MYO3A: variants seen among roughly 807,000 people sequenced by gnomAD.
MYO3A encodes the protein myosin IIIA, also known as myosin-IIIa.
In MYO3A, 180 loss-of-function variants were observed where a neutral mutation model predicts 192.7. The observed-to-expected ratio is 0.93, with a 90% CI of 0.83 to 1.06. The LOEUF is 1.06. Among genes scored for constraint, MYO3A ranks in the 50% least tolerant of loss-of-function variants. MYO3A has a pLI of 0.00. For synonymous variants in MYO3A, 628 were observed against 645.3 expected, an observed-to-expected ratio of 0.97 and a Z score of 0.41; for missense variants, 1,896 against 1,905.0, an observed-to-expected ratio of 1.00 and a Z score of 0.09.
At chr10:26,138,103 A>G (rs1044687964) in intron 20 of MYO3A, among the ~76,000 whole-genome samples, 1 of 152,050 alleles carries the variant, frequency 6.6e-6, no homozygotes, top group Non-Finnish European at 1.5e-5. Context: ...GAAGCATGTG[A>G]TCTTTGTGAC....
At chr10:26,022,835 G>T (rs1162996064) in intron 8 of MYO3A, 1 of 152,176 alleles carries the variant, frequency 6.6e-6, no homozygotes, top group Non-Finnish European at 1.5e-5. Context: ...GATAGATATT[G>T]TACCTAGGTA....
chr10:26,136,610 T>C (rs1399285760), intron 20 of MYO3A, among the ~76,000 whole-genome samples: 1 of 151,790 alleles, frequency 6.6e-6, no homozygotes, highest in Admixed American at 6.6e-5. Flanking sequence ...TCAGAGGGAG[T>C]GGGGAGAAGA....
intron 6 of MYO3A, among the ~76,000 whole-genome samples, chr10:26,013,462 G>A (rs1454059613): frequency 6.6e-6 from 1 of 151,908 alleles, no homozygotes; most frequent in Non-Finnish European, 1.5e-5. Context: ...CAAAGGACAT[G>A]AATAGACATT....
intron 34 of MYO3A, among the ~76,000 whole-genome samples, chr10:26,210,272 C>T (rs1844165560): frequency 1.3e-5 from 2 of 152,192 alleles, no homozygotes; most frequent in African/African-American, 4.8e-5. Context: ...TAATAAATAT[C>T]TCAAACTTAG....
Position 26,128,533 on chromosome 10 carries a change from G to T in MYO3A, c.2257G>T (p.Glu753Ter). Residue 753 changes from glutamate to a stop codon, truncating the protein, a stop_gained, in exon 20 of 35, where the codon GAA becomes TAA. Transcript: ENST00000642920. LOFTEE classifies it high-confidence loss of function. ...YYYNQHVFAW[E>*]QNEYLNEDVD... ...TTATAATCAACATGTGTTTGCATGG[G>T]AACAGGTAAGTCTAAGTACTTACTA... 3.7e-6 allele frequency: 6 copies of T among 1,609,222 alleles called. No individual in the cohort carries two copies. The highest frequency in any genetic ancestry group is 5.1e-6 in the Non-Finnish European group (6 of 1,176,966).
intron 14 of MYO3A, among the ~76,000 whole-genome samples, chr10:26,077,635 G>A (rs1274598974): frequency 6.6e-6 from 1 of 152,128 alleles, no homozygotes; most frequent in African/African-American, 2.4e-5. Context: ...CTGTGGGTTT[G>A]TCATAGATGG....
At chr10:26,122,332 C>T (rs1838922766) in intron 18 of MYO3A, among the ~76,000 whole-genome samples, 1 of 152,070 alleles carries the variant, frequency 6.6e-6, no homozygotes, top group East Asian at 1.9e-4. Context: ...TCTGGAATAA[C>T]CACTCATGGA....
chr10:26,050,298 A>G (rs1363547973), intron 10 of MYO3A, among the ~76,000 whole-genome samples: 1 of 152,194 alleles, frequency 6.6e-6, no homozygotes, highest in East Asian at 1.9e-4. Context: ...AATCAATGTA[A>G]TAAAAACAAT....
chr10:26,077,012 T>C (rs1451843069), intron 14 of MYO3A, among the ~76,000 whole-genome samples: 1 of 152,020 alleles, frequency 6.6e-6, no homozygotes, highest in Non-Finnish European at 1.5e-5. Flanking sequence ...TTTAGAATTG[T>C]TTTTTCCTAA....
chr10:26,001,529 T>C (rs11014895), intron 6 of MYO3A, among the ~76,000 whole-genome samples: 127 of 152,332 alleles, frequency 8.3e-4, no homozygotes, highest in Non-Finnish European at 1.5e-3. Context: ...AAGTGCTCTC[T>C]GCATGAGAGG....
At chr10:25,975,176 A>G (rs1010550865) in intron 4 of MYO3A, among the ~76,000 whole-genome samples, 1 of 152,202 alleles carries the variant, frequency 6.6e-6, no homozygotes, top group Non-Finnish European at 1.5e-5. Context: ...ATGGAGATGT[A>G]GCATTTAAAT....
chr10:26,150,729 A>T (rs1453494197), intron 23 of MYO3A, among the ~76,000 whole-genome samples: 1 of 152,000 alleles, frequency 6.6e-6, no homozygotes, highest in Non-Finnish European at 1.5e-5. Flanking sequence ...GATTTCCTAG[A>T]CATGTGTTAA....
chr10:26,033,738 C>T (rs1469138377), intron 10 of MYO3A, among the ~76,000 whole-genome samples: 1 of 152,152 alleles, frequency 6.6e-6, no homozygotes, highest in Non-Finnish European at 1.5e-5. Context: ...GTTTCAATCC[C>T]ATTTCCACTA....
intron 2 of MYO3A, among the ~76,000 whole-genome samples, chr10:25,944,389 T>G (rs1411730719): frequency 6.6e-6 from 1 of 152,082 alleles, no homozygotes; most frequent in Non-Finnish European, 1.5e-5. Context: ...CTGGTTTTGG[T>G]GTCAGGATAA....
chr10:26,132,551 C>T (rs1430376423), intron 20 of MYO3A, among the ~76,000 whole-genome samples: 2 of 152,198 alleles, frequency 1.3e-5, no homozygotes, highest in African/African-American at 2.4e-5. Context: ...GATGCTACAG[C>T]GTATTGATCT....
At chr10:26,103,068 T>C (rs1312588271) in intron 17 of MYO3A, among the ~76,000 whole-genome samples, 1 of 152,246 alleles carries the variant, frequency 6.6e-6, no homozygotes, top group African/African-American at 2.4e-5. Context: ...GCTTCCCAGC[T>C]GCTTTGTTTA....
intron 18 of MYO3A, among the ~76,000 whole-genome samples, chr10:26,121,570 T>A (rs1405565199): frequency 6.6e-6 from 1 of 152,050 alleles, no homozygotes; most frequent in Non-Finnish European, 1.5e-5. Flanking sequence ...GCCAACATGG[T>A]GAAACCCTGT....
At chr10:26,205,349 G>C (rs1451444410) in intron 34 of MYO3A, among the ~76,000 whole-genome samples, 1 of 151,710 alleles carries the variant, frequency 6.6e-6, no homozygotes, top group Non-Finnish European at 1.5e-5. Context: ...TAAATCTCTT[G>C]AATTTATTCC....
rs1221070088 is a variant in MYO3A, at chr10:26,024,026, C to A, written c.736C>A (p.Pro246Thr). 6.2e-6 allele frequency: 10 copies of A among 1,612,476 alleles called. No individual in the cohort carries two copies. Among genetic ancestry groups the A allele is most frequent in the Non-Finnish European group, 6.8e-6 (8 of 1,178,700 alleles). ...CATTGATTCTTATTTTTCTAGGAAT[C>A]CACCCCCAAAACTAAGGCAGCCTGA... ...MRALFKIPRN[P>T]PPKLRQPELW... The change falls in exon 9 of 35, where the codon CCA (proline) becomes ACA (threonine). Residue 246 changes from proline to threonine, a missense_variant. By Grantham distance (38) the Pro-to-Thr change is conservative. Coordinates refer to ENST00000642920, the MANE Select transcript of MYO3A (RefSeq NM_017433.5).
Sources: allele counts gnomAD v4.1 joint callset (sites outside exome capture counted in the v4.1 genomes callset), GRCh38; gene constraint gnomAD v4.1.1; transcripts MANE v1.5; gene names NCBI Gene and HGNC (gene_info 2026-07-23, HGNC 2026-07-21).